PARD3B: variants seen among roughly 807,000 people sequenced by gnomAD.
PARD3B encodes par-3 family cell polarity regulator beta.
In PARD3B, 103 loss-of-function variants were observed where a neutral mutation model predicts 130.2. The observed-to-expected ratio is 0.79, with a 90% CI of 0.67 to 0.93. PARD3B has a LOEUF of 0.93. PARD3B is among the 40% of genes least tolerant of loss of function. The probability of loss-of-function intolerance (pLI) is 0.00; values close to 1 mark genes in which losing one functional copy is unlikely to be tolerated. For missense variants in PARD3B, 1,609 were observed against 1,499.2 expected, an observed-to-expected ratio of 1.07 and a Z score of -1.21; for synonymous variants, 583 against 553.2, an observed-to-expected ratio of 1.05 and a Z score of -0.76.
Position 205,287,152 on chromosome 2 carries a change from C to T in PARD3B, c.2186-13378C>T, listed in dbSNP as rs1440403225. Among the ~76,000 whole-genome samples the T allele has an allele frequency of 6.6e-6, 1 of 152,146 alleles. No individual in the cohort carries two copies. On this transcript the variant is annotated intron_variant, in intron 16 of 22. Transcript: ENST00000406610. The surrounding 1 kb of genome is among the most constrained non-coding windows in gnomAD (Gnocchi z 4.8). ...CACCATTCCTTCACCAGCAGTCTGC[C>T]CTGTTACTCAAGTGTCCGACCTGAG...
At chr2:205,144,808 C>T (rs908174727) in intron 10 of PARD3B, among the ~76,000 whole-genome samples, 2 of 152,056 alleles carry the variant, frequency 1.3e-5, no homozygotes, top group African/African-American at 4.8e-5. Flanking sequence ...GGATTGGTAT[C>T]CAGCAGGAAT....
intron 16 of PARD3B, among the ~76,000 whole-genome samples, chr2:205,257,989 A>G (rs1220961249): frequency 6.6e-6 from 1 of 152,206 alleles, no homozygotes; most frequent in African/African-American, 2.4e-5. Context: ...CTTCAGTGCA[A>G]GAAATGTGCA....
intron 2 of PARD3B, among the ~76,000 whole-genome samples, chr2:204,857,364 GTTATC>G (rs2044993860): frequency 3.3e-5 from 5 of 152,046 alleles, no homozygotes; most frequent in Admixed American, 3.3e-4. Context: ...GCCTTTATAA[GTTATC>G]TTATGTGGAA....
chr2:204,553,982 A>G (rs889977878), intron 1 of PARD3B, among the ~76,000 whole-genome samples: 1 of 151,834 alleles, frequency 6.6e-6, no homozygotes, highest in Non-Finnish European at 1.5e-5. Context: ...CTCACAAATC[A>G]CCACTAAAGA....
chr2:204,651,374 C>G (rs2035471672), intron 1 of PARD3B, among the ~76,000 whole-genome samples: 2 of 152,244 alleles, frequency 1.3e-5, no homozygotes, highest in African/African-American at 4.8e-5. Context: ...TGGCCCCATG[C>G]AAGTCCAAAA....
chr2:205,074,395 C>G lies in PARD3B; in HGVS notation c.504+26705C>G, dbSNP rs550166500. Among the ~76,000 whole-genome samples the G allele has an allele frequency of 1.2e-4, 18 of 152,270 alleles. 1 individual carries two copies. The highest frequency in any genetic ancestry group is 4.1e-4 in the African/African-American group (17 of 41,566). Reference sequence around the variant, plus strand: ...AGTTGCTAATTGGTAAAGGAATCATCTAATTCTACCTTGATGGGTTTGAAA... The same window carrying G: ...AGTTGCTAATTGGTAAAGGAATCATGTAATTCTACCTTGATGGGTTTGAAA... On this transcript the variant is annotated intron_variant, in intron 4 of 22. Coordinates refer to ENST00000406610, the MANE Select transcript of PARD3B (RefSeq NM_001302769.2).
intron 2 of PARD3B, among the ~76,000 whole-genome samples, chr2:204,939,242 A>G (rs181216710): frequency 1.4e-4 from 21 of 152,306 alleles, no homozygotes; most frequent in Non-Finnish European, 2.2e-4. Flanking sequence ...CTCCAACCAA[A>G]TTAGTTATCA....
intron 2 of PARD3B, among the ~76,000 whole-genome samples, chr2:204,904,705 G>T (rs561968650): frequency 2.6e-5 from 4 of 151,808 alleles, no homozygotes; most frequent in Non-Finnish European, 5.9e-5. Flanking sequence ...AACTATCCAT[G>T]AAAGATTTTG....
rs1373293030 is a variant in PARD3B at position 205,473,434 on chromosome 2, A to G, written c.3045-26462A>G. On this transcript the variant is annotated intron_variant, in intron 20 of 22. Coordinates refer to ENST00000406610, the MANE Select transcript of PARD3B (RefSeq NM_001302769.2). The surrounding 1 kb of genome is among the most constrained non-coding windows in gnomAD (Gnocchi z 4.9). The stretch of plus-strand genomic sequence containing the variant: ...TCTTGTCTCAGCCCATTGTGTCTAA[A>G]TGTTAACTCTCTTATTAAGCTCCAT... Among the ~76,000 whole-genome samples, 1 of 151,984 alleles carries G rather than the reference A, an allele frequency of 6.6e-6. No homozygotes were observed. The highest frequency in any genetic ancestry group is 2.4e-5 in the African/African-American group (1 of 41,412).
chr2:204,789,933 C>T (rs1236046851), intron 2 of PARD3B, among the ~76,000 whole-genome samples: 4 of 150,912 alleles, frequency 2.7e-5, no homozygotes, highest in South Asian at 4.2e-4. Context: ...TGCAGTGGCG[C>T]GATCTCGGCT....
rs114877922 is a variant in PARD3B, at chr2:205,259,836, T to C, written c.2185+14014T>C. Among the ~76,000 whole-genome samples the C allele has an allele frequency of 7.7e-3, 1,177 of 152,258 alleles. 17 individuals carry two copies. The highest frequency in any genetic ancestry group is 0.027 in the African/African-American group (1,116 of 41,560). The stretch of plus-strand genomic sequence containing the variant: ...ACCAGAAATGCTTCGGATTTCAAAT[T>C]TTTCTGGATTTTGGAATATTTGCAT... On this transcript the variant is annotated intron_variant, in intron 16 of 22. Coordinates refer to ENST00000406610, the MANE Select transcript of PARD3B (RefSeq NM_001302769.2).
At chr2:204,646,067 G>A (rs2035260785) in intron 1 of PARD3B, among the ~76,000 whole-genome samples, 1 of 152,004 alleles carries the variant, frequency 6.6e-6, no homozygotes, top group Non-Finnish European at 1.5e-5. Context: ...ATTTGGTTTT[G>A]ACATATGTTC....
rs115755063 is a variant in PARD3B, at chr2:205,205,426, A to T, written c.2140+12106A>T. Among the ~76,000 whole-genome samples the T allele has an allele frequency of 9.0e-3, 1,363 of 152,270 alleles. 24 individuals are homozygous for T. The highest frequency in any genetic ancestry group is 0.031 in the African/African-American group (1,288 of 41,548). On this transcript the variant is annotated intron_variant, in intron 15 of 22. Coordinates refer to ENST00000406610, the MANE Select transcript of PARD3B (RefSeq NM_001302769.2). ...TTTGACTTCCTGTCTTCTTAGTTCA[A>T]TACCCTTTATTTTTTTCTCTTGCCT...
intron 15 of PARD3B, among the ~76,000 whole-genome samples, chr2:205,203,529 G>T (rs935864258): frequency 6.6e-6 from 1 of 151,830 alleles, no homozygotes; most frequent in Non-Finnish European, 1.5e-5. Flanking sequence ...AGGCACACAC[G>T]TGCCATGGTG....
intron 18 of PARD3B, 135 bp from the exon 19 acceptor site, chr2:205,400,878 C>T: frequency 1.7e-6 from 1 of 605,602 alleles, no homozygotes; most frequent in Non-Finnish European, 2.9e-6. Flanking sequence ...ATTTTAGTTC[C>T]ATTTTATGCA....
At chr2:205,073,561 G>A (rs1289194783) in intron 4 of PARD3B, among the ~76,000 whole-genome samples, 1 of 152,182 alleles carries the variant, frequency 6.6e-6, no homozygotes, top group African/African-American at 2.4e-5. Flanking sequence ...TAGTGTATAT[G>A]TGGTAGGCAG....
At chr2:204,866,816 C>G (rs2045437219) in intron 2 of PARD3B, among the ~76,000 whole-genome samples, 1 of 152,170 alleles carries the variant, frequency 6.6e-6, no homozygotes, top group African/African-American at 2.4e-5. Context: ...TTGTCATAAT[C>G]TCAGCACTTT....
intron 18 of PARD3B, among the ~76,000 whole-genome samples, chr2:205,344,182 G>A (rs2043655586): frequency 8.1e-6 from 1 of 123,220 alleles, no homozygotes; most frequent in South Asian, 3.4e-4. Flanking sequence ...GGTGGGAAAT[G>A]TGTCAGTTGG....
At chr2:205,452,863 TC>T (rs1372585212) in intron 20 of PARD3B, among the ~76,000 whole-genome samples, 2 of 152,110 alleles carry the variant, frequency 1.3e-5, no homozygotes, top group African/African-American at 4.8e-5. Flanking sequence ...CTTCCCCCCA[TC>T]CTCAACCACT....
Sources: allele counts gnomAD v4.1 joint callset (sites outside exome capture counted in the v4.1 genomes callset), GRCh38; gene constraint gnomAD v4.1.1; non-coding constraint Gnocchi (gnomAD v3.1); transcripts MANE v1.5; gene names NCBI Gene and HGNC (gene_info 2026-07-23, HGNC 2026-07-21).